Variants in COMMD7 observed in about 807,000 individuals in gnomAD.
The protein encoded by COMMD7 is COMM domain containing 7, also known as COMM domain-containing protein 7.
In COMMD7, 28 loss-of-function variants were observed where a neutral mutation model predicts 34.8. The observed-to-expected ratio is 0.80, with a 90% CI of 0.60 to 1.10. The LOEUF (loss-of-function observed/expected upper bound fraction) is 1.10. Among genes scored for constraint, COMMD7 ranks in the 50% least tolerant of loss-of-function variants. The pLI, the probability that COMMD7 is intolerant of heterozygous loss-of-function variation, is 0.00. For missense variants in COMMD7, 211 were observed against 241.6 expected (o/e 0.87, Z 0.84); for synonymous variants, 80 against 86.4 (o/e 0.93, Z 0.41).
chr20:32,714,554 G>C (rs186115817), intron 3 of COMMD7, among the ~76,000 whole-genome samples: 1 of 151,890 alleles, frequency 6.6e-6, no homozygotes, highest in Non-Finnish European at 1.5e-5. Flanking sequence ...GGCCAGGCAC[G>C]GTGGCTCATA....
intron 3 of COMMD7, among the ~76,000 whole-genome samples, chr20:32,710,731 A>AAAC (rs1487198082): frequency 8.7e-5 from 4 of 46,074 alleles, no homozygotes; most frequent in Non-Finnish European, 2.3e-4. Context: ...CTCATCTCAA[A>AAAC]AAAAAAAAAA....
At chr20:32,710,737 A>C (rs917202197) in intron 3 of COMMD7, among the ~76,000 whole-genome samples, 81 of 151,820 alleles carry the variant, frequency 5.3e-4, no homozygotes, top group South Asian at 1.0e-3. Context: ...TCAAAAAAAA[A>C]AAAAAAAAAA....
intron 3 of COMMD7, among the ~76,000 whole-genome samples, chr20:32,707,201 G>A (rs1301932776): frequency 2.7e-5 from 4 of 148,744 alleles, no homozygotes; most frequent in South Asian, 2.1e-4. Context: ...GGAGAATGGC[G>A]TGAACCCGGG....
chr20:32,721,389 C>T (rs984623988), intron 3 of COMMD7, among the ~76,000 whole-genome samples: 1 of 150,046 alleles, frequency 6.7e-6, no homozygotes, highest in African/African-American at 2.5e-5. Context: ...GCAGGCGGAT[C>T]ACCTGAGGTC....
chr20:32,728,176 T>A, intron 1 of COMMD7, 34 bp from the exon 2 acceptor site: 1 of 1,609,912 alleles, frequency 6.2e-7, no homozygotes, highest in Non-Finnish European at 8.5e-7. Context: ...ATCAGTACAA[T>A]TTCTACTACT....
intron 1 of COMMD7, among the ~76,000 whole-genome samples, chr20:32,731,248 T>C (rs1461539284): frequency 6.6e-6 from 1 of 152,062 alleles, no homozygotes; most frequent in Non-Finnish European, 1.5e-5. Flanking sequence ...AGCCCAGGCA[T>C]TCCAAGCTGC....
rs761416865 is a variant in COMMD7 at position 32,706,664 on chromosome 20, A to G, written c.298+40T>C. ...AGATATTAACATAATAAAAAGCCTC[A>G]GAAGCCAGTCACCCTGAGCAACCCT... On this transcript the variant is annotated intron_variant, in intron 4 of 8. Coordinates refer to ENST00000278980, the MANE Select transcript of COMMD7 (RefSeq NM_053041.3). 3 of 1,612,862 alleles carry G rather than the reference A, an allele frequency of 1.9e-6. No homozygotes were observed. The Admixed American group carries it at 5.0e-5, about 27-fold the overall frequency.
chr20:32,718,420 C>T (rs1423359863), intron 3 of COMMD7, among the ~76,000 whole-genome samples: 2 of 150,542 alleles, frequency 1.3e-5, no homozygotes, highest in African/African-American at 2.4e-5. Flanking sequence ...AAAGGGGGGC[C>T]GGACGCAGTG....
At chr20:32,732,454 C>T (rs550333585) in intron 1 of COMMD7, among the ~76,000 whole-genome samples, 1 of 152,170 alleles carries the variant, frequency 6.6e-6, no homozygotes, top group South Asian at 2.1e-4. Context: ...GAAGTATATC[C>T]TTTAGGTATG....
intron 1 of COMMD7, among the ~76,000 whole-genome samples, chr20:32,731,008 ATTATT>A (rs1453119158): frequency 6.6e-6 from 1 of 152,224 alleles, no homozygotes; most frequent in African/African-American, 2.4e-5. Context: ...AGGACTCTGT[ATTATT>A]TTATTCAAAA....
chr20:32,740,481 T>C (rs1414943741), intron 1 of COMMD7, among the ~76,000 whole-genome samples: 1 of 152,180 alleles, frequency 6.6e-6, no homozygotes, highest in East Asian at 1.9e-4. Context: ...CATGGCATTT[T>C]GATCAATGAT....
intron 1 of COMMD7, 77 bp downstream of exon 1, chr20:32,743,231 C>CCGCCGG: frequency 4.6e-6 from 4 of 871,804 alleles, no homozygotes; most frequent in Non-Finnish European, 3.4e-6. Flanking sequence ...CGCGCACCCC[C>CCGCCGG]GGACGTCCCC....
intron 1 of COMMD7, among the ~76,000 whole-genome samples, chr20:32,737,837 TAA>T (rs11473460): frequency 2.8e-5 from 4 of 141,168 alleles, no homozygotes; most frequent in Admixed American, 7.3e-5. Flanking sequence ...GGTCCTGTCT[TAA>T]AAAAAAAAAA....
chr20:32,736,831 G>A (rs888372986), intron 1 of COMMD7, among the ~76,000 whole-genome samples: 2 of 152,122 alleles, frequency 1.3e-5, no homozygotes, highest in South Asian at 2.1e-4. Context: ...ACTTGAGCCC[G>A]AAGTTCTAGA....
intron 1 of COMMD7, among the ~76,000 whole-genome samples, chr20:32,738,515 A>T (rs1456060709): frequency 6.6e-6 from 1 of 152,062 alleles, no homozygotes; most frequent in East Asian, 1.9e-4. Flanking sequence ...TGAACCTAGG[A>T]GGCGGAGGTT....
intron 3 of COMMD7, among the ~76,000 whole-genome samples, chr20:32,725,467 C>T (rs1163931577): frequency 4.8e-4 from 69 of 144,002 alleles, no homozygotes; most frequent in African/African-American, 1.6e-3. Flanking sequence ...GTTGCTCCGT[C>T]GCCCAGGCTG....
chr20:32,732,122 G>A (rs1266534108), intron 1 of COMMD7, among the ~76,000 whole-genome samples: 2 of 152,078 alleles, frequency 1.3e-5, no homozygotes, highest in East Asian at 1.9e-4. Flanking sequence ...TGGCTCTGTC[G>A]CCCAGACTGG....
chr20:32,726,660 G>A (rs144515745), intron 3 of COMMD7, among the ~76,000 whole-genome samples: 125 of 152,140 alleles, frequency 8.2e-4, no homozygotes, highest in Non-Finnish European at 7.9e-4. Context: ...CCAAGACCAC[G>A]CCATTGCACT....
intron 3 of COMMD7, among the ~76,000 whole-genome samples, chr20:32,726,121 T>G (rs117498321): frequency 0.041 from 6,160 of 149,262 alleles, 172 homozygotes; most frequent in Middle Eastern, 0.085. Context: ...CTGAGTACAG[T>G]GGCTCATGTC....
Sources: gnomAD v4.1 joint callset for allele counts (sites outside exome capture counted in the v4.1 genomes callset) on GRCh38, gnomAD v4.1.1 for gene constraint, MANE v1.5 for transcripts, NCBI Gene and HGNC (gene_info 2026-07-23, HGNC 2026-07-21) for gene names.